The following CLSTN2 variants were observed in gnomAD, a reference collection of about 807,000 sequenced individuals.
CLSTN2 encodes the protein calsyntenin-2.
In CLSTN2, 48 loss-of-function variants were observed where a neutral mutation model predicts 101.2. That is an observed-to-expected ratio of 0.47 (90% CI 0.38 to 0.60). The LOEUF (loss-of-function observed/expected upper bound fraction) is 0.60, where lower values mean the gene tolerates loss of function less well. CLSTN2 is among the 20% of genes least tolerant of loss of function. The pLI is 0.00. For missense variants in CLSTN2, 1,160 were observed against 1,238.2 expected, an observed-to-expected ratio of 0.94 and a Z score of 0.95; for synonymous variants, 481 against 463.6, an observed-to-expected ratio of 1.04 and a Z score of -0.48.
intron 2 of CLSTN2, among the ~76,000 whole-genome samples, chr3:140,303,685 G>A (rs1385391744): frequency 6.6e-6 from 1 of 152,062 alleles, no homozygotes; most frequent in Non-Finnish European, 1.5e-5. Context: ...ATCTGTGCCT[G>A]AAGGGATCAT....
In CLSTN2 at chr3:140,466,705, G is replaced by A. The variant is rs762157350; in HGVS notation, c.1318G>A (p.Ala440Thr). 3 of 1,614,044 alleles carry A rather than the reference G, an allele frequency of 1.9e-6. No homozygotes were observed. Among genetic ancestry groups the A allele is most frequent in the South Asian group, 1.1e-5 (1 of 91,078 alleles). ...CGACCAGGCTGACACCTTTCGCCCC[G>A]CGGAGTTCCACTGGAAGCTGGATCA... ...DFDQADTFRP[A>T]EFHWKLDQIC... Residue 440 changes from alanine to threonine, a missense_variant, in exon 8 of 17, where the codon GCG becomes ACG. Ala to Thr is a moderately conservative substitution (Grantham distance 58). Transcript: ENST00000458420.
intron 1 of CLSTN2, among the ~76,000 whole-genome samples, chr3:140,028,443 C>T (rs1224424166): frequency 6.6e-6 from 1 of 152,070 alleles, no homozygotes; most frequent in East Asian, 1.9e-4. Context: ...CTCTTGACAC[C>T]AGGGACTCCA....
chr3:140,451,174 T>C lies in CLSTN2; in HGVS notation c.973+2470T>C, dbSNP rs116543670. Among the ~76,000 whole-genome samples the C allele has an allele frequency of 7.9e-3, 1,209 of 152,322 alleles. 17 individuals carry two copies. Among genetic ancestry groups the C allele is most frequent in the African/African-American group, 0.026 (1,082 of 41,580 alleles). Reference sequence around the variant, plus strand: ...TAAACTCCTCCAGGTTAGGAAGAGATGATGGGATCAGCTTGTTAAAGATCA... The same window carrying C: ...TAAACTCCTCCAGGTTAGGAAGAGACGATGGGATCAGCTTGTTAAAGATCA... On this transcript the variant is annotated intron_variant, in intron 6 of 16. Transcript: ENST00000458420.
intron 8 of CLSTN2, among the ~76,000 whole-genome samples, chr3:140,471,412 A>T (rs530636106): frequency 6.6e-6 from 1 of 152,322 alleles, no homozygotes; most frequent in African/African-American, 2.4e-5. Flanking sequence ...ATTGACCAGC[A>T]AGCGCACAGG....
intron 4 of CLSTN2, 113 bp downstream of exon 4, chr3:140,404,879 T>A: frequency 1.1e-6 from 1 of 895,254 alleles, no homozygotes; most frequent in Non-Finnish European, 1.8e-6. Context: ...TTTCTTGCCA[T>A]GTTTGGTCTA....
chr3:140,026,045 G>T (rs1317169922), intron 1 of CLSTN2, among the ~76,000 whole-genome samples: 2 of 152,114 alleles, frequency 1.3e-5, no homozygotes, highest in African/African-American at 2.4e-5. Flanking sequence ...GGGGAGCATT[G>T]GCAGGTCCAT....
intron 8 of CLSTN2, among the ~76,000 whole-genome samples, chr3:140,482,964 T>G (rs966680249): frequency 6.6e-6 from 1 of 152,196 alleles, no homozygotes; most frequent in African/African-American, 2.4e-5. Context: ...CTGATCTTAG[T>G]TATTTCTTGC....
chr3:140,529,709 G>A (rs962600090), intron 8 of CLSTN2, among the ~76,000 whole-genome samples: 40 of 152,304 alleles, frequency 2.6e-4, no homozygotes, highest in Admixed American at 2.5e-3. Context: ...AGCTTTGTAT[G>A]AGCTAAAAGA....
intron 1 of CLSTN2, among the ~76,000 whole-genome samples, chr3:140,114,928 A>G (rs558862848): frequency 6.6e-6 from 1 of 152,122 alleles, no homozygotes; most frequent in Non-Finnish European, 1.5e-5. Flanking sequence ...ACTCTCAGTG[A>G]CAGCCACTGC....
At chr3:140,184,380 G>A (rs2010454882) in intron 2 of CLSTN2, among the ~76,000 whole-genome samples, 1 of 152,294 alleles carries the variant, frequency 6.6e-6, no homozygotes, top group Admixed American at 6.5e-5. Context: ...ACTCATGGCA[G>A]AAGGGGAAGC....
chr3:139,984,595 T>A (rs2107825347), intron 1 of CLSTN2, among the ~76,000 whole-genome samples: 1 of 152,214 alleles, frequency 6.6e-6, no homozygotes, highest in East Asian at 1.9e-4. Context: ...TCCTCTTACC[T>A]CCCACACCAC....
At chr3:139,967,127 A>C (rs1935614400) in intron 1 of CLSTN2, among the ~76,000 whole-genome samples, 1 of 152,108 alleles carries the variant, frequency 6.6e-6, no homozygotes, top group South Asian at 2.1e-4. Context: ...GCTCCTAAAC[A>C]CCTGCCCCTG....
At chr3:140,233,474 G>C (rs1023465899) in intron 2 of CLSTN2, among the ~76,000 whole-genome samples, 2 of 152,136 alleles carry the variant, frequency 1.3e-5, no homozygotes, top group African/African-American at 4.8e-5. Flanking sequence ...GACTCTCTGA[G>C]AAAAGGAATA....
intron 1 of CLSTN2, among the ~76,000 whole-genome samples, chr3:140,019,166 C>G (rs111368581): frequency 6.6e-6 from 1 of 152,248 alleles, no homozygotes; most frequent in African/African-American, 2.4e-5. Flanking sequence ...GATGGTGTGA[C>G]GGTTAATTTT....
chr3:140,442,648 G>A (rs1235816345), intron 5 of CLSTN2, among the ~76,000 whole-genome samples: 2 of 152,096 alleles, frequency 1.3e-5, no homozygotes, highest in Non-Finnish European at 2.9e-5. Context: ...TTGATCGAGG[G>A]GTGGCTATCA....
intron 1 of CLSTN2, among the ~76,000 whole-genome samples, chr3:140,112,951 A>G (rs1432125777): frequency 6.6e-6 from 1 of 152,226 alleles, no homozygotes; most frequent in Non-Finnish European, 1.5e-5. Flanking sequence ...AAAATGGCTC[A>G]TAATGTGTTT....
At chr3:140,143,108 A>G (rs1171391942) in intron 1 of CLSTN2, among the ~76,000 whole-genome samples, 1 of 152,208 alleles carries the variant, frequency 6.6e-6, no homozygotes, top group Non-Finnish European at 1.5e-5. Context: ...CATCTAACAC[A>G]GTGCCTGGCA....
At chr3:140,526,595 CAAAAAA>C (rs56965995) in intron 8 of CLSTN2, among the ~76,000 whole-genome samples, 35 of 98,958 alleles carry the variant, frequency 3.5e-4, no homozygotes, top group African/African-American at 9.9e-4. Context: ...AACAAACAAA[CAAAAAA>C]AAAAAACAAC....
intron 8 of CLSTN2, among the ~76,000 whole-genome samples, chr3:140,504,766 A>G (rs1934650806): frequency 6.6e-6 from 1 of 152,248 alleles, no homozygotes; most frequent in Non-Finnish European, 1.5e-5. Flanking sequence ...GCATGAAAGT[A>G]TAAGGACTAT....
Sources: allele counts gnomAD v4.1 joint callset (sites outside exome capture counted in the v4.1 genomes callset), GRCh38; gene constraint gnomAD v4.1.1; transcripts MANE v1.5; gene names NCBI Gene and HGNC (gene_info 2026-07-23, HGNC 2026-07-21).